The following MOBP variants were observed in gnomAD, a reference collection of about 807,000 sequenced individuals.
The protein encoded by MOBP is myelin-associated oligodendrocyte basic protein.
In MOBP, 5 loss-of-function variants were observed where a neutral mutation model predicts 15.0. That is an observed-to-expected ratio of 0.33 (90% confidence interval 0.17 to 0.70). The LOEUF (loss-of-function observed/expected upper bound fraction) is 0.70. Ranked by LOEUF, MOBP falls within the 30% of genes least tolerant of loss-of-function variation. MOBP has a pLI of 0.67. For missense variants in MOBP, 188 were observed against 257.8 expected, an observed-to-expected ratio of 0.73 and a Z score of 1.85; for synonymous variants, 88 against 99.0, an observed-to-expected ratio of 0.89 and a Z score of 0.66.
chr3:39,523,803 T>C (rs555937681), intron 3 of MOBP, among the ~76,000 whole-genome samples: 2 of 152,272 alleles, frequency 1.3e-5, no homozygotes, highest in Admixed American at 6.5e-5. Context: ...CATGGAGTTA[T>C]GTAACAAAAA....
chr3:39,513,147 A>G (rs889546372), intron 4 of MOBP, among the ~76,000 whole-genome samples: 9 of 152,360 alleles, frequency 5.9e-5, no homozygotes, highest in African/African-American at 2.2e-4. Flanking sequence ...AATAATTATC[A>G]TACATAAAAT....
At chr3:39,516,988 C>T (rs553745635), downstream of MOBP, among the ~76,000 whole-genome samples, 1 of 152,202 alleles carries the variant, frequency 6.6e-6, no homozygotes, top group East Asian at 1.9e-4. Flanking sequence ...GCTGGAGGGG[C>T]CCTGGGAGGG....
At chr3:39,471,934 C>T (rs563780000) in intron 1 of MOBP, among the ~76,000 whole-genome samples, 8 of 152,332 alleles carry the variant, frequency 5.3e-5, no homozygotes, top group Non-Finnish European at 1.0e-4. Context: ...AATGTTTGCA[C>T]GCAGGTGGAT....
downstream of MOBP, chr3:39,526,707 G>A (rs1165617049): frequency 2.0e-5 from 3 of 151,364 alleles, no homozygotes; most frequent in Non-Finnish European, 2.9e-5. Flanking sequence ...GGGTAAAAAG[G>A]CCTAATTTAT....
At position 39,502,391 on chromosome 3, in the gene MOBP, T is replaced by TCCGACA. The variant is rs1003230184; in HGVS notation, c.206+120_206+125dup. The TCCGACA allele has an allele frequency of 1.6e-5, 25 of 1,539,904 alleles. No individual in the cohort carries two copies. The Admixed American group carries it at 4.7e-4, about 29-fold the overall frequency. The stretch of plus-strand genomic sequence containing the variant: ...CCCCCTAGTCGGCTCCGGGTTAGGC[T>TCCGACA]CCGACACCGGAAGGCACTCCAGGGA... On this transcript the variant is annotated intron_variant, in intron 3 of 3. Transcript: ENST00000684792. This position sits in a 1 kb window ranked among gnomAD's most constrained non-coding sequence, Gnocchi z 6.3.
At chr3:39,469,438 T>C (rs1308888382) in intron 1 of MOBP, among the ~76,000 whole-genome samples, 2 of 140,692 alleles carry the variant, frequency 1.4e-5, no homozygotes, top group South Asian at 2.2e-4. Context: ...TTGGAATTAA[T>C]TAAAATTAGA....
chr3:39,521,177 T>A (rs1355470104), intron 3 of MOBP, among the ~76,000 whole-genome samples: 1 of 152,164 alleles, frequency 6.6e-6, no homozygotes, highest in East Asian at 1.9e-4. Context: ...CTTGAACTCC[T>A]GGCCTCAAGT....
chr3:39,502,240 G>A lies in MOBP; in HGVS notation c.171G>A (p.Glu57=). Residue 57 remains glutamate, a synonymous_variant, in exon 3 of 4, where the codon GAG becomes GAA. Coordinates refer to ENST00000684792, the MANE Select transcript of MOBP (RefSeq NM_001393704.1). The surrounding 1 kb of genome is among the most constrained non-coding windows in gnomAD (Gnocchi z 6.3). ...CKSGCFYQKK[E]EDWICCACQK... is the part of the protein sequence containing the mutation. Reference sequence around the variant, plus strand: ...GCGGCTGCTTCTACCAGAAGAAAGAGGAGGACTGGATCTGCTGCGCCTGCC... The same window carrying A: ...GCGGCTGCTTCTACCAGAAGAAAGAAGAGGACTGGATCTGCTGCGCCTGCC... 6.2e-7 allele frequency: 1 copy of A among 1,614,216 alleles called. No individual in the cohort carries two copies. The highest frequency in any genetic ancestry group is 8.5e-7 in the Non-Finnish European group (1 of 1,180,046).
exon 5 of MOBP, chr3:39,515,670 G>C (rs1208643451): frequency 6.6e-6 from 1 of 152,162 alleles, no homozygotes; most frequent in East Asian, 1.9e-4. Context: ...GCCCACCTTG[G>C]AACTCTGTTC....
At chr3:39,477,921 G>T (rs1374433651) in intron 1 of MOBP, among the ~76,000 whole-genome samples, 1 of 151,954 alleles carries the variant, frequency 6.6e-6, no homozygotes, top group Non-Finnish European at 1.5e-5. Flanking sequence ...CTTTTCTATA[G>T]CTATATAATG....
downstream of MOBP, among the ~76,000 whole-genome samples, chr3:39,505,804 G>A (rs1026895147): frequency 6.6e-6 from 1 of 152,264 alleles, no homozygotes; most frequent in African/African-American, 2.4e-5. Flanking sequence ...TCTAGATCAA[G>A]CTCACAACCT....
rs182758997 is a variant in MOBP, at chr3:39,468,884, T to A, written c.-89+1144T>A. Among the ~76,000 whole-genome samples the A allele has an allele frequency of 8.4e-4, 97 of 115,746 alleles. 19 individuals are homozygous for A. Among genetic ancestry groups the A allele is most frequent in the Admixed American group, 2.1e-3 (26 of 12,186 alleles). The allele number at this position is 115,746 out of a possible 152,430, so 75.9% of individuals were successfully genotyped here. On this transcript the variant is annotated intron_variant, in intron 1 of 3. Coordinates refer to ENST00000684792, the MANE Select transcript of MOBP (RefSeq NM_001393704.1). ...GTGTATATATACATATATACATATG[T>A]GTGTGTATATATACATATATACATA...
intron 2 of MOBP, among the ~76,000 whole-genome samples, chr3:39,483,896 C>T (rs1382122620): frequency 1.3e-5 from 2 of 152,078 alleles, no homozygotes; most frequent in African/African-American, 4.8e-5. Flanking sequence ...AAAAGCAGCC[C>T]GAGTCCTACA....
chr3:39,513,786 A>G, exon 5 of MOBP: 1 of 251,844 alleles, frequency 4.0e-6, no homozygotes. Context: ...GTGCCAACCC[A>G]CATGTTGTCC....
chr3:39,483,471 T>C (rs1334667087), intron 2 of MOBP, among the ~76,000 whole-genome samples: 1 of 152,222 alleles, frequency 6.6e-6, no homozygotes, highest in Non-Finnish European at 1.5e-5. Context: ...ATGGAACCCC[T>C]GGAAAACCCA....
chr3:39,476,908 T>C (rs2042552867), intron 1 of MOBP, among the ~76,000 whole-genome samples: 1 of 152,082 alleles, frequency 6.6e-6, no homozygotes, highest in African/African-American at 2.4e-5. Context: ...TTTGGTATCC[T>C]TTTCCTGTTT....
chr3:39,471,320 G>A lies in MOBP; in HGVS notation c.-89+3580G>A, dbSNP rs145066834. 7.9e-3 allele frequency among the ~76,000 whole-genome samples: 1,196 copies of A among 151,942 alleles called. 12 individuals are homozygous for A. Among genetic ancestry groups the A allele is most frequent in the African/African-American group, 0.028 (1,147 of 41,412 alleles). ...AATTTTTTGTATTTTTAGTAGAGAC[G>A]GGGTTTCACCATGTTAGCCAGGATG... is the stretch of plus-strand genomic sequence containing the variant. On this transcript the variant is annotated intron_variant, in intron 1 of 3. Transcript: ENST00000684792.
chr3:39,516,719 C>T (rs111827775), downstream of MOBP, among the ~76,000 whole-genome samples: 1,769 of 152,248 alleles, frequency 0.012, 16 homozygotes, highest in South Asian at 0.021. Flanking sequence ...ACAGTTTTGC[C>T]TACAACTTCA....
intron 3 of MOBP, among the ~76,000 whole-genome samples, chr3:39,521,916 T>G (rs933502094): frequency 6.6e-6 from 1 of 152,192 alleles, no homozygotes; most frequent in African/African-American, 2.4e-5. Flanking sequence ...GCATAACCTG[T>G]GTTGACAAGT....
Sources: gnomAD v4.1 joint callset for allele counts (sites outside exome capture counted in the v4.1 genomes callset) on GRCh38, gnomAD v4.1.1 for gene constraint, Gnocchi (gnomAD v3.1) non-coding constraint, MANE v1.5 for transcripts, NCBI Gene and HGNC (gene_info 2026-07-23, HGNC 2026-07-21) for gene names.